The following CAMK1D variants were observed in gnomAD, a reference collection of about 807,000 sequenced individuals.
The protein encoded by CAMK1D is calcium/calmodulin-dependent protein kinase type 1D.
CAMK1D carries 9 observed loss-of-function variants against 47.7 expected under a neutral mutation model. The ratio of observed to expected loss-of-function variants is 0.19; its 90% CI spans 0.11 to 0.33. The LOEUF (loss-of-function observed/expected upper bound fraction) is 0.33. Ranked by LOEUF, CAMK1D falls within the 10% of genes least tolerant of loss-of-function variation. CAMK1D has a pLI of 1.00. For missense variants in CAMK1D, 291 were observed against 488.7 expected, an observed-to-expected ratio of 0.60 and a Z score of 3.81; for synonymous variants, 184 against 184.9, an observed-to-expected ratio of 0.99 and a Z score of 0.04.
intron 1 of CAMK1D, among the ~76,000 whole-genome samples, chr10:12,353,967 T>C (rs187488238): frequency 2.0e-4 from 31 of 152,164 alleles, no homozygotes; most frequent in African/African-American, 6.5e-4. Context: ...CGGAGAAGTA[T>C]ATGGATGGGA....
chr10:12,650,048 C>A (rs1396586537), intron 2 of CAMK1D, among the ~76,000 whole-genome samples: 1 of 152,220 alleles, frequency 6.6e-6, no homozygotes, highest in African/African-American at 2.4e-5. Flanking sequence ...TGGCATATTA[C>A]TTTTTAGTTC....
chr10:12,763,377 G>A (rs993576930), intron 4 of CAMK1D, among the ~76,000 whole-genome samples: 5 of 152,186 alleles, frequency 3.3e-5, no homozygotes, highest in African/African-American at 1.2e-4. Flanking sequence ...CAGCCTACCT[G>A]CAAATGTACC....
At chr10:12,489,491 G>A (rs1834315695) in intron 1 of CAMK1D, among the ~76,000 whole-genome samples, 1 of 152,150 alleles carries the variant, frequency 6.6e-6, no homozygotes, top group Non-Finnish European at 1.5e-5. Flanking sequence ...CTTCCATAAG[G>A]ATCATTTTAA....
chr10:12,460,978 T>A (rs1023583694), intron 1 of CAMK1D, among the ~76,000 whole-genome samples: 4 of 152,208 alleles, frequency 2.6e-5, no homozygotes, highest in African/African-American at 9.7e-5. Context: ...GAGGATGTGA[T>A]CTTTGCTTCC....
At chr10:12,628,367 G>A (rs1378582767) in intron 2 of CAMK1D, among the ~76,000 whole-genome samples, 1 of 152,110 alleles carries the variant, frequency 6.6e-6, no homozygotes, top group African/African-American at 2.4e-5. Context: ...AGCCATTCTA[G>A]TATGTACTAG....
rs41306818 is a variant in CAMK1D at position 12,553,403 on chromosome 10, G to C, written c.224+47G>C. 53 of 1,493,308 alleles carry C rather than the reference G, an allele frequency of 3.5e-5. No homozygotes were observed. In the East Asian group the frequency reaches 1.1e-3, roughly 32 times the overall value. 92.5% of individuals were successfully genotyped at this position (1,493,308 alleles called of 1,614,324 possible). A position where few individuals can be genotyped will look rare whatever the true frequency, so the allele number is the denominator to read the frequency against. On this transcript the variant is annotated intron_variant, in intron 2 of 10. Coordinates refer to ENST00000619168, the MANE Select transcript of CAMK1D (RefSeq NM_153498.4). ...TCCTCCCTTCCCTACCTCCTGGCCC[G>C]TGTGTCCTGCAGGAGTCCTGCCCCG... is the stretch of plus-strand genomic sequence containing the variant.
chr10:12,773,791 C>G (rs1027325273), intron 5 of CAMK1D, among the ~76,000 whole-genome samples: 1 of 152,146 alleles, frequency 6.6e-6, no homozygotes, highest in African/African-American at 2.4e-5. Context: ...CCTCCCTACT[C>G]AGGAGGCTGA....
chr10:12,651,996 GCC>G (rs1260646658), intron 2 of CAMK1D, among the ~76,000 whole-genome samples: 4 of 149,926 alleles, frequency 2.7e-5, no homozygotes, highest in Non-Finnish European at 4.4e-5. Context: ...AGCCAGGATG[GCC>G]TCTATCTCCT....
intron 2 of CAMK1D, among the ~76,000 whole-genome samples, chr10:12,654,788 G>A (rs1050502882): frequency 8.5e-5 from 13 of 152,154 alleles, no homozygotes; most frequent in Non-Finnish European, 1.8e-4. Context: ...CGGAAGCCAC[G>A]AAGTTATCAG....
At chr10:12,437,940 G>C (rs1055321421) in intron 1 of CAMK1D, among the ~76,000 whole-genome samples, 1 of 152,188 alleles carries the variant, frequency 6.6e-6, no homozygotes, top group African/African-American at 2.4e-5. Flanking sequence ...CTTCTTGTTA[G>C]GGTTCTTACT....
intron 1 of CAMK1D, among the ~76,000 whole-genome samples, chr10:12,399,263 T>C (rs1839084114): frequency 6.6e-6 from 1 of 152,130 alleles, no homozygotes; most frequent in Non-Finnish European, 1.5e-5. Context: ...TCCAGCACTT[T>C]GGGAGGCCGA....
intron 1 of CAMK1D, among the ~76,000 whole-genome samples, chr10:12,364,233 TTC>T (rs1564294445): frequency 7.6e-6 from 1 of 131,912 alleles, no homozygotes; most frequent in Non-Finnish European, 1.6e-5. Flanking sequence ...CCAATGCGCA[TTC>T]TCTTTTTTTT....
intron 1 of CAMK1D, among the ~76,000 whole-genome samples, chr10:12,465,512 G>T (rs1833564668): frequency 6.6e-6 from 1 of 151,966 alleles, no homozygotes; most frequent in South Asian, 2.1e-4. Context: ...CCACCACCAC[G>T]CCTATCTAAT....
At chr10:12,610,394 C>G (rs749284697) in intron 2 of CAMK1D, among the ~76,000 whole-genome samples, 1 of 152,186 alleles carries the variant, frequency 6.6e-6, no homozygotes, top group African/African-American at 2.4e-5. Flanking sequence ...CCTCCTTTCT[C>G]TGGGCACATT....
chr10:12,372,713 C>T (rs1406928370), intron 1 of CAMK1D, among the ~76,000 whole-genome samples: 1 of 152,216 alleles, frequency 6.6e-6, no homozygotes, highest in South Asian at 2.1e-4. Context: ...ACTGCAGCCT[C>T]GACTTCCTGG....
chr10:12,609,562 C>T (rs762068247), intron 2 of CAMK1D, among the ~76,000 whole-genome samples: 5 of 152,152 alleles, frequency 3.3e-5, no homozygotes, highest in Admixed American at 1.3e-4. Flanking sequence ...TCAAAAGGAG[C>T]GTGGAACCCA....
rs148268140 is a variant in CAMK1D, at chr10:12,659,205, C to G, written c.225-7531C>G. Among the ~76,000 whole-genome samples the G allele has an allele frequency of 6.7e-3, 1,019 of 152,340 alleles. 11 individuals are homozygous for G. The highest frequency in any genetic ancestry group is 8.8e-3 in the Non-Finnish European group (601 of 68,034). On this transcript the variant is annotated intron_variant, in intron 2 of 10. Transcript: ENST00000619168. ...GGAACTTTTCCCATTTCACAAGTAA[C>G]AAGTGACTTGTAAGCCATGCCAGTT...
chr10:12,752,068 G>A (rs916110428), intron 3 of CAMK1D, among the ~76,000 whole-genome samples: 3 of 151,424 alleles, frequency 2.0e-5, no homozygotes, highest in African/African-American at 4.9e-5. Flanking sequence ...CACAGTGGCC[G>A]CCTCCCAGGT....
chr10:12,398,105 T>G lies in CAMK1D; in HGVS notation c.92+48195T>G, dbSNP rs570059731. ...AAATAAAACAGTTACATCATTATTT[T>G]AAGTGTAACCAGTGGAGCTAAATAC... On this transcript the variant is annotated intron_variant, in intron 1 of 10. Transcript: ENST00000619168. Among the ~76,000 whole-genome samples, 8 of 152,370 alleles carry G rather than the reference T, an allele frequency of 5.3e-5. No individual in the cohort carries two copies. The East Asian group carries it at 1.5e-3, about 29-fold the overall frequency.
Sources: allele counts gnomAD v4.1 joint callset (sites outside exome capture counted in the v4.1 genomes callset), GRCh38; gene constraint gnomAD v4.1.1; transcripts MANE v1.5; gene names NCBI Gene and HGNC (gene_info 2026-07-23, HGNC 2026-07-21).